The following PTPRM variants were observed in gnomAD, a reference collection of about 807,000 sequenced individuals.
PTPRM encodes the protein protein tyrosine phosphatase receptor type M, also known as receptor-type tyrosine-protein phosphatase mu.
PTPRM carries 47 observed loss-of-function variants against 186.7 expected under a neutral mutation model. The ratio of observed to expected loss-of-function variants is 0.25; its 90% CI spans 0.20 to 0.32. The LOEUF (loss-of-function observed/expected upper bound fraction) is 0.32, where lower values mean the gene tolerates loss of function less well. Among genes scored for constraint, PTPRM ranks in the 10% least tolerant of loss-of-function variants. The pLI is 1.00. For missense variants in PTPRM, 1,494 were observed against 1,865.0 expected (o/e 0.80, Z 3.66); for synonymous variants, 668 against 674.9 (o/e 0.99, Z 0.16).
At chr18:8,332,589 G>A (rs2095417722) in intron 22 of PTPRM, among the ~76,000 whole-genome samples, 3 of 152,178 alleles carry the variant, frequency 2.0e-5, no homozygotes, top group Admixed American at 2.0e-4. Flanking sequence ...TGTGTGCGCT[G>A]GAGAAAAGGC....
At chr18:8,120,127 G>C (rs1046709000) in intron 13 of PTPRM, among the ~76,000 whole-genome samples, 1 of 152,074 alleles carries the variant, frequency 6.6e-6, no homozygotes, top group African/African-American at 2.4e-5. Context: ...GCAGCCATAG[G>C]CAATACATTA....
At chr18:8,242,807 C>T (rs1055754743) in intron 14 of PTPRM, among the ~76,000 whole-genome samples, 8 of 152,220 alleles carry the variant, frequency 5.3e-5, no homozygotes, top group Admixed American at 1.3e-4. Flanking sequence ...GTTGTCAGTG[C>T]CTTACATTGC....
intron 7 of PTPRM, among the ~76,000 whole-genome samples, chr18:7,964,440 T>G (rs1425949016): frequency 1.3e-5 from 2 of 152,128 alleles, no homozygotes; most frequent in Non-Finnish European, 2.9e-5. Flanking sequence ...CTGGTCAGTG[T>G]TTTTTTGTTG....
chr18:7,678,330 C>A (rs1033365659), intron 1 of PTPRM, among the ~76,000 whole-genome samples: 8 of 152,278 alleles, frequency 5.3e-5, no homozygotes, highest in Admixed American at 5.2e-4. Flanking sequence ...TTTCAAAGCA[C>A]CCTCTTCCAT....
chr18:7,830,903 G>A (rs1440594662), intron 2 of PTPRM, among the ~76,000 whole-genome samples: 1 of 152,158 alleles, frequency 6.6e-6, no homozygotes, highest in Non-Finnish European at 1.5e-5. Flanking sequence ...TCACTGAACA[G>A]AAGAGACTCT....
intron 23 of PTPRM, among the ~76,000 whole-genome samples, chr18:8,356,721 G>T (rs2095565207): frequency 6.6e-6 from 1 of 152,150 alleles, no homozygotes; most frequent in Non-Finnish European, 1.5e-5. Context: ...CCAGTTGGCG[G>T]CTACAGGATG....
At chr18:7,962,157 G>A (rs572121684) in intron 7 of PTPRM, among the ~76,000 whole-genome samples, 10 of 152,214 alleles carry the variant, frequency 6.6e-5, no homozygotes, top group Non-Finnish European at 1.2e-4. Context: ...GATGACAGTC[G>A]TACTGTTGCA....
intron 22 of PTPRM, among the ~76,000 whole-genome samples, chr18:8,330,677 G>A (rs1483305006): frequency 2.1e-5 from 3 of 141,202 alleles, no homozygotes; most frequent in South Asian, 2.2e-4. Flanking sequence ...TTTTGTCCTT[G>A]ATTGCCGTCT....
intron 1 of PTPRM, among the ~76,000 whole-genome samples, chr18:7,612,401 C>T (rs892889141): frequency 6.6e-6 from 1 of 152,064 alleles, no homozygotes; most frequent in African/African-American, 2.4e-5. Flanking sequence ...TTTAAGTCTA[C>T]GTTCTGGGCA....
chr18:7,664,403 A>AG, intron 1 of PTPRM, among the ~76,000 whole-genome samples: 1 of 152,252 alleles, frequency 6.6e-6, no homozygotes, highest in Admixed American at 6.5e-5. Flanking sequence ...ACAGAGCATT[A>AG]AACATTGAGC....
intron 11 of PTPRM, among the ~76,000 whole-genome samples, chr18:8,106,998 A>G (rs1207468154): frequency 1.3e-5 from 2 of 152,240 alleles, no homozygotes; most frequent in East Asian, 1.9e-4. Context: ...AAACTATAAA[A>G]TATCATTCAG....
intron 13 of PTPRM, among the ~76,000 whole-genome samples, chr18:8,124,957 C>G (rs892064070): frequency 2.0e-5 from 3 of 152,090 alleles, no homozygotes; most frequent in Admixed American, 6.5e-5. Context: ...GCCTTGCTGT[C>G]CCTGTTGTAC....
At chr18:7,705,811 A>G (rs2040074728) in intron 1 of PTPRM, among the ~76,000 whole-genome samples, 1 of 151,650 alleles carries the variant, frequency 6.6e-6, no homozygotes, top group Admixed American at 6.6e-5. Flanking sequence ...CTCCTGCCTC[A>G]GCCTCCTGAA....
intron 1 of PTPRM, among the ~76,000 whole-genome samples, chr18:7,695,200 AT>A (rs2039817975): frequency 6.6e-6 from 1 of 152,234 alleles, no homozygotes; most frequent in Non-Finnish European, 1.5e-5. Flanking sequence ...AAAATCACTT[AT>A]CAAGCAAACC....
intron 2 of PTPRM, among the ~76,000 whole-genome samples, chr18:7,801,283 A>G (rs1487129952): frequency 1.3e-5 from 2 of 152,098 alleles, no homozygotes; most frequent in Admixed American, 6.5e-5. Flanking sequence ...GCCTTTTTCA[A>G]TTTTTAAAAA....
intron 11 of PTPRM, among the ~76,000 whole-genome samples, chr18:8,102,895 C>G (rs1045772697): frequency 6.6e-6 from 1 of 152,162 alleles, no homozygotes; most frequent in African/African-American, 2.4e-5. Flanking sequence ...TAAAATGACT[C>G]CTTGACCCAT....
chr18:7,678,071 G>T (rs2144547557), intron 1 of PTPRM, among the ~76,000 whole-genome samples: 1 of 152,214 alleles, frequency 6.6e-6, no homozygotes, highest in African/African-American at 2.4e-5. Flanking sequence ...TGTATTTGTG[G>T]AATGAAAGAG....
At chr18:8,209,212 A>C (rs1453983958) in intron 14 of PTPRM, among the ~76,000 whole-genome samples, 1 of 152,154 alleles carries the variant, frequency 6.6e-6, no homozygotes, top group Non-Finnish European at 1.5e-5. Flanking sequence ...CTGCTGTGTT[A>C]AGCATAGACC....
At chr18:7,987,197 A>G (rs574520035) in intron 7 of PTPRM, among the ~76,000 whole-genome samples, 2 of 152,176 alleles carry the variant, frequency 1.3e-5, no homozygotes, top group African/African-American at 4.8e-5. Context: ...TCTACTGCCC[A>G]CAGTAGATCT....
Sources: gnomAD v4.1 joint callset for allele counts (sites outside exome capture counted in the v4.1 genomes callset) on GRCh38, gnomAD v4.1.1 for gene constraint, MANE v1.5 for transcripts, NCBI Gene and HGNC (gene_info 2026-07-23, HGNC 2026-07-21) for gene names.